Variants in ROBO1 observed in about 807,000 individuals in gnomAD.
The protein encoded by ROBO1 is roundabout guidance receptor 1.
ROBO1 carries 149 observed loss-of-function variants against 195.9 expected under a neutral mutation model. The observed-to-expected ratio is 0.76, with a 90% CI of 0.67 to 0.87. The LOEUF (loss-of-function observed/expected upper bound fraction) is 0.87, where lower values mean the gene tolerates loss of function less well. Among genes scored for constraint, ROBO1 ranks in the 40% least tolerant of loss-of-function variants. The pLI is 0.00. For missense variants in ROBO1, 1,933 were observed against 2,068.3 expected, an observed-to-expected ratio of 0.93 and a Z score of 1.27; for synonymous variants, 816 against 733.2, an observed-to-expected ratio of 1.11 and a Z score of -1.82.
chr3:79,326,139 T>G (rs2034202168), intron 2 of ROBO1, among the ~76,000 whole-genome samples: 1 of 152,146 alleles, frequency 6.6e-6, no homozygotes, highest in South Asian at 2.1e-4. Context: ...AAACCCTGTC[T>G]CCTGATAAGA....
chr3:79,712,729 G>A (rs71324682), intron 1 of ROBO1, among the ~76,000 whole-genome samples: 212 of 152,162 alleles, frequency 1.4e-3, no homozygotes, highest in Non-Finnish European at 2.7e-3. Flanking sequence ...GAGAAGATGA[G>A]TCAATAACTG....
At chr3:79,310,336 C>G (rs150818672) in intron 2 of ROBO1, among the ~76,000 whole-genome samples, 1 of 152,282 alleles carries the variant, frequency 6.6e-6, no homozygotes, top group African/African-American at 2.4e-5. Context: ...AGTGTGCGCC[C>G]TCACCTTCCT....
intron 4 of ROBO1, chr3:78,938,332 C>A: frequency 2.5e-6 from 1 of 400,120 alleles, no homozygotes; most frequent in Non-Finnish European, 4.6e-6. Context: ...GGGGATGGAA[C>A]AATTTTAATA....
intron 2 of ROBO1, among the ~76,000 whole-genome samples, chr3:79,539,217 C>T (rs1425126278): frequency 6.6e-6 from 1 of 152,058 alleles, no homozygotes; most frequent in Non-Finnish European, 1.5e-5. Context: ...GAGAAGTGCA[C>T]ATTTAATACA....
Position 79,642,210 on chromosome 3 carries a change from AT to A in ROBO1, c.-50-52250del, listed in dbSNP as rs371774941. Among the ~76,000 whole-genome samples, 10 of 152,314 alleles carry A rather than the reference AT, an allele frequency of 6.6e-5. No homozygotes were observed. The South Asian group carries it at 1.0e-3, about 16-fold the overall frequency. ...TAATCAGTGAGCTTGAAGACAGATTATTTGAAAATACACAGTCAGAGGAGAA... is the reference window on the plus strand; with the variant it reads ...TAATCAGTGAGCTTGAAGACAGATTATTGAAAATACACAGTCAGAGGAGAA... On this transcript the variant is annotated intron_variant, in intron 1 of 30. Coordinates refer to ENST00000464233, the MANE Select transcript of ROBO1 (RefSeq NM_002941.4).
intron 2 of ROBO1, among the ~76,000 whole-genome samples, chr3:79,422,012 T>C (rs935831572): frequency 1.5e-4 from 23 of 151,164 alleles, no homozygotes; most frequent in Admixed American, 1.3e-4. Context: ...TATTCAGGGA[T>C]AGTTGTGTGG....
intron 4 of ROBO1, among the ~76,000 whole-genome samples, chr3:78,930,981 A>T (rs1236580582): frequency 6.6e-6 from 1 of 152,170 alleles, no homozygotes; most frequent in Non-Finnish European, 1.5e-5. Flanking sequence ...AAAATTAAGC[A>T]TAAAGTTATT....
intron 2 of ROBO1, among the ~76,000 whole-genome samples, chr3:79,386,933 T>C (rs146256450): frequency 4.6e-4 from 70 of 152,264 alleles, no homozygotes; most frequent in African/African-American, 1.6e-3. Context: ...TTCACTCTTA[T>C]GTATTACAGA....
At chr3:79,370,792 G>T (rs1347510567) in intron 2 of ROBO1, among the ~76,000 whole-genome samples, 2 of 151,930 alleles carry the variant, frequency 1.3e-5, no homozygotes, top group Admixed American at 1.3e-4. Flanking sequence ...TAGGTTTTAA[G>T]CCCTGCATGC....
At chr3:79,581,236 C>T (rs559660973) in intron 2 of ROBO1, among the ~76,000 whole-genome samples, 2 of 152,174 alleles carry the variant, frequency 1.3e-5, no homozygotes, top group African/African-American at 2.4e-5. Context: ...TCTAGGTTAG[C>T]GCCTCTTTCT....
chr3:79,709,435 G>A (rs1702188602), intron 1 of ROBO1, among the ~76,000 whole-genome samples: 1 of 151,926 alleles, frequency 6.6e-6, no homozygotes, highest in African/African-American at 2.4e-5. Flanking sequence ...TTTTCATATG[G>A]GTGTGAGAGA....
At chr3:78,711,364 TTCCTTCCTTCCTTCCTTCCTTC>T (rs2081708622) in intron 8 of ROBO1, among the ~76,000 whole-genome samples, 2 of 39,672 alleles carry the variant, frequency 5.0e-5, no homozygotes, top group African/African-American at 1.1e-4. Flanking sequence ...CCTTCCTTCC[TTCCTTCCTTCCTTCCTTCCTTC>T]CTTCCTTCCT....
chr3:78,645,908 C>A (rs1404612743), intron 21 of ROBO1, among the ~76,000 whole-genome samples: 1 of 152,078 alleles, frequency 6.6e-6, no homozygotes, highest in Non-Finnish European at 1.5e-5. Context: ...CAGCAAGTCT[C>A]TTTCTCAGTT....
intron 4 of ROBO1, among the ~76,000 whole-genome samples, chr3:78,765,766 A>G: frequency 6.6e-6 from 1 of 152,298 alleles, no homozygotes; most frequent in African/African-American, 2.4e-5. Context: ...GATGGCACTC[A>G]GGATTTCTCA....
chr3:78,983,548 T>C (rs755343715), intron 3 of ROBO1, among the ~76,000 whole-genome samples: 4 of 152,168 alleles, frequency 2.6e-5, no homozygotes, highest in Admixed American at 1.3e-4. Context: ...TATTCAAACT[T>C]TGCATAATAA....
intron 2 of ROBO1, among the ~76,000 whole-genome samples, chr3:79,485,046 C>A (rs78841719): frequency 0.043 from 6,487 of 151,942 alleles, 475 homozygotes; most frequent in African/African-American, 0.15. Context: ...GCCACCATGC[C>A]CAGCCGACTA....
At chr3:79,361,021 T>G (rs74951448) in intron 2 of ROBO1, among the ~76,000 whole-genome samples, 1 of 152,034 alleles carries the variant, frequency 6.6e-6, no homozygotes. Context: ...GATTAAAACT[T>G]CGAGTTAAGA....
At position 78,636,059 on chromosome 3, in the gene ROBO1, ATTTG is replaced by A; in HGVS notation, c.3083_3086del (p.Thr1028IlefsTer2). On this transcript the variant is annotated frameshift_variant, in exon 23 of 31. Coordinates refer to ENST00000464233, the MANE Select transcript of ROBO1 (RefSeq NM_002941.4). LOFTEE classifies it high-confidence loss of function. ...AAACAGTTGACTCAGGGAGCATCAG[ATTTG>A]TTTGTTTGTTATCCAGTTGGTTGTT... is the stretch of plus-strand genomic sequence containing the variant. 2.5e-6 allele frequency: 4 copies of A among 1,613,568 alleles called. No individual in the cohort carries two copies. Among genetic ancestry groups the A allele is most frequent in the Non-Finnish European group, 2.5e-6 (3 of 1,179,630 alleles).
intron 2 of ROBO1, among the ~76,000 whole-genome samples, chr3:79,269,958 C>A (rs900026624): frequency 7.9e-5 from 12 of 151,684 alleles, no homozygotes; most frequent in Admixed American, 7.9e-4. Context: ...CAAATTATTT[C>A]CTCAAAGAGG....
Sources: gnomAD v4.1 joint callset for allele counts (sites outside exome capture counted in the v4.1 genomes callset) on GRCh38, gnomAD v4.1.1 for gene constraint, MANE v1.5 for transcripts, NCBI Gene and HGNC (gene_info 2026-07-23, HGNC 2026-07-21) for gene names.